Variants in CYLD observed in about 807,000 individuals in gnomAD.
CYLD encodes the protein CYLD lysine 63 deubiquitinase, also known as ubiquitin carboxyl-terminal hydrolase CYLD.
CYLD carries 26 observed loss-of-function variants against 104.5 expected under a neutral mutation model. That is an observed-to-expected ratio of 0.25 (90% CI 0.18 to 0.35). CYLD has a LOEUF of 0.35. CYLD is among the 10% of genes least tolerant of loss of function. The pLI is 1.00. For missense variants in CYLD, 703 were observed against 1,136.1 expected (o/e 0.62, Z 5.48); for synonymous variants, 385 against 399.9 (o/e 0.96, Z 0.45).
At position 50,742,104 on chromosome 16, in the gene CYLD, C is replaced by G. The variant is rs763535852; in HGVS notation, c.-224C>G. 3.3e-5 allele frequency: 5 copies of G among 152,484 alleles called. No individual in the cohort carries two copies. The highest frequency in any genetic ancestry group is 1.2e-4 in the African/African-American group (5 of 41,570). 9.4% of individuals were successfully genotyped at this position (152,484 alleles called of 1,614,324 possible). ...CGGGCCCAGGTAGCAGGTTTGGCTG[C>G]GCGGGGGCCGCGCGTCGGAGGTAAA... On this transcript the variant is annotated 5_prime_UTR_variant, in exon 1 of 19. Coordinates refer to ENST00000427738, the MANE Select transcript of CYLD (RefSeq NM_001378743.1).
intron 3 of CYLD, among the ~76,000 whole-genome samples, chr16:50,751,223 T>C (rs1966589855): frequency 6.6e-6 from 1 of 152,240 alleles, no homozygotes; most frequent in South Asian, 2.1e-4. Context: ...AGTGTTTTTG[T>C]GGTACATTGA....
intron 5 of CYLD, among the ~76,000 whole-genome samples, chr16:50,755,098 CAT>C (rs1491240154): frequency 8.6e-5 from 10 of 115,846 alleles, no homozygotes; most frequent in South Asian, 4.9e-4. Flanking sequence ...TATATACATA[CAT>C]ATATACACAC....
rs1314851520 is a variant in CYLD at position 50,794,119 on chromosome 16, G to A, written c.2470-93G>A. On this transcript the variant is annotated intron_variant, in intron 17 of 18. Transcript: ENST00000427738. The surrounding 1 kb of genome is among the most constrained non-coding windows in gnomAD (Gnocchi z 4.1). The stretch of plus-strand genomic sequence containing the variant: ...ATTTTTGTATTTTTAACAGAGACAG[G>A]GTTTCACCATCTTGATCAGGCTGGT... 8 of 1,173,246 alleles carry A rather than the reference G, an allele frequency of 6.8e-6. No homozygotes were observed. The highest frequency in any genetic ancestry group is 1.2e-5 in the South Asian group (1 of 80,912). The allele number at this position is 1,173,246 out of a possible 1,614,324, so 72.7% of individuals were successfully genotyped here.
chr16:50,777,965 T>C, intron 8 of CYLD, 24 bp downstream of exon 8: 1 of 1,251,030 alleles, frequency 8.0e-7, no homozygotes, highest in Non-Finnish European at 1.2e-6. Context: ...TTAGTGTTCT[T>C]TATAATGATC....
At chr16:50,790,974 A>T (rs1361604684) in intron 14 of CYLD, among the ~76,000 whole-genome samples, 1 of 152,174 alleles carries the variant, frequency 6.6e-6, no homozygotes, top group Non-Finnish European at 1.5e-5. Context: ...GTATTTGTTG[A>T]ATAAATGAGT....
At chr16:50,746,584 T>C (rs1966212964) in intron 2 of CYLD, among the ~76,000 whole-genome samples, 1 of 152,236 alleles carries the variant, frequency 6.6e-6, no homozygotes, top group African/African-American at 2.4e-5. Flanking sequence ...TGACCCATCC[T>C]ATTGCTAAGT....
At position 50,776,181 on chromosome 16, in the gene CYLD, A is replaced by T; in HGVS notation, c.925A>T (p.Ser309Cys). The change falls in exon 7 of 19, where the codon AGT becomes TGT. Residue 309 changes from serine (S) to cysteine (C), a missense_variant and splice_region_variant. By Grantham distance (112) the Ser-to-Cys change is moderately radical. Transcript: ENST00000427738. ...AAAAAACATGCTTACTGTTTCAGAG[A>T]GTGTGACGCAGGAAAGGAGGCCTCC... Reference protein sequence around the residue: ...INDIIPALSESVTQERRPPKL... With the variant: ...INDIIPALSECVTQERRPPKL... 1 of 1,607,632 alleles carries T rather than the reference A, an allele frequency of 6.2e-7. No individual in the cohort carries two copies. The highest frequency in any genetic ancestry group is 1.3e-5 in the African/African-American group (1 of 74,842).
intron 4 of CYLD, 97 bp downstream of exon 4, chr16:50,752,003 T>TATAA: frequency 5.8e-6 from 2 of 342,838 alleles, no homozygotes; most frequent in Non-Finnish European, 9.2e-6. Context: ...CACATATATA[T>TATAA]ACACACATAT....
intron 5 of CYLD, among the ~76,000 whole-genome samples, chr16:50,769,366 T>G (rs1968868135): frequency 6.6e-6 from 1 of 152,166 alleles, no homozygotes; most frequent in African/African-American, 2.4e-5. Flanking sequence ...GTATGATCAG[T>G]TTTTTAAATT....
intron 5 of CYLD, among the ~76,000 whole-genome samples, chr16:50,754,920 CATATATACACACATATGT>C (rs893071016): frequency 1.3e-4 from 19 of 146,178 alleles, no homozygotes; most frequent in East Asian, 1.2e-3. Context: ...TATATGTATA[CATATATACACACATATGT>C]ATATATACAC....
chr16:50,775,363 A>G (rs904171444), intron 6 of CYLD, among the ~76,000 whole-genome samples, 189 bp downstream of exon 6: 4 of 152,176 alleles, frequency 2.6e-5, no homozygotes, highest in East Asian at 1.9e-4. Context: ...TATTACACCT[A>G]TATTTCAGAA....
chr16:50,755,165 GTACA>G lies in CYLD; in HGVS notation c.913+744_913+747del, dbSNP rs1567427425. ...TACATATGTGTGTATATACACACGT[GTACA>G]TATGTGTGTGTATATACACACGTGT... is the stretch of plus-strand genomic sequence containing the variant. On this transcript the variant is annotated intron_variant, in intron 5 of 18. Transcript: ENST00000427738. 9.0e-5 allele frequency among the ~76,000 whole-genome samples: 3 copies of G among 33,294 alleles called. 1 individual carries two copies. Among genetic ancestry groups the G allele is most frequent in the African/African-American group, 8.6e-4 (3 of 3,502 alleles). 21.8% of individuals were successfully genotyped at this position (33,294 alleles called of 152,430 possible). A position where few individuals can be genotyped will look rare whatever the true frequency, so the allele number is the denominator to read the frequency against.
chr16:50,775,693 C>T (rs1449702849), intron 6 of CYLD, among the ~76,000 whole-genome samples: 1 of 152,156 alleles, frequency 6.6e-6, no homozygotes, highest in African/African-American at 2.4e-5. Context: ...CTGAGCAGTT[C>T]ACAATGCACA....
chr16:50,778,139 T>A, intron 8 of CYLD, 198 bp downstream of exon 8: 1 of 521,180 alleles, frequency 1.9e-6, no homozygotes, highest in Non-Finnish European at 3.4e-6. Context: ...AAGAAATGTA[T>A]TAGTAATTTG....
At chr16:50,779,538 T>C in intron 8 of CYLD, 127 bp from the exon 9 acceptor site, 1 of 816,820 alleles carries the variant, frequency 1.2e-6, no homozygotes, top group South Asian at 1.6e-5. Flanking sequence ...GTGATGCCTA[T>C]GAGAGTACTA....
At chr16:50,754,577 C>A in intron 5 of CYLD, 153 bp downstream of exon 5, 1 of 632,438 alleles carries the variant, frequency 1.6e-6, no homozygotes, top group Non-Finnish European at 2.8e-6. Context: ...GCACCCGTCA[C>A]CCGAGAAGTA....
At chr16:50,757,437 GCTATTTT>G (rs1424623875) in intron 5 of CYLD, among the ~76,000 whole-genome samples, 1 of 152,048 alleles carries the variant, frequency 6.6e-6, no homozygotes, top group Admixed American at 6.5e-5. Context: ...TGAATTCCTA[GCTATTTT>G]TTATTTTGCT....
At chr16:50,750,552 C>T (rs1470484030) in intron 3 of CYLD, among the ~76,000 whole-genome samples, 1 of 152,026 alleles carries the variant, frequency 6.6e-6, no homozygotes, top group Non-Finnish European at 1.5e-5. Context: ...AATTGTATGC[C>T]TTCTTTGCTT....
At chr16:50,760,025 T>G (rs1047969417) in intron 5 of CYLD, among the ~76,000 whole-genome samples, 1 of 152,248 alleles carries the variant, frequency 6.6e-6, no homozygotes, top group Non-Finnish European at 1.5e-5. Flanking sequence ...AGCATCCTTA[T>G]GCATATCATC....
Sources: allele counts gnomAD v4.1 joint callset (sites outside exome capture counted in the v4.1 genomes callset), GRCh38; gene constraint gnomAD v4.1.1; non-coding constraint Gnocchi (gnomAD v3.1); transcripts MANE v1.5; gene names NCBI Gene and HGNC (gene_info 2026-07-23, HGNC 2026-07-21).